MYOM1: variants seen among roughly 807,000 people sequenced by gnomAD.
MYOM1 encodes the protein myomesin-1.
Under a neutral mutation model 205.3 loss-of-function variants are expected in MYOM1, and 164 were observed. The observed-to-expected ratio is 0.80, with a 90% CI of 0.70 to 0.91. The LOEUF (loss-of-function observed/expected upper bound fraction) is 0.91. MYOM1 is among the 40% of genes least tolerant of loss of function. The pLI, the probability that MYOM1 is intolerant of heterozygous loss-of-function variation, is 0.00. For synonymous variants in MYOM1, 772 were observed against 789.4 expected (o/e 0.98, Z 0.37); for missense variants, 2,011 against 2,127.3 (o/e 0.95, Z 1.08).
intron 8 of MYOM1, 98 bp downstream of exon 8, chr18:3,173,840 G>A: frequency 9.4e-7 from 1 of 1,065,932 alleles, no homozygotes; most frequent in Non-Finnish European, 1.4e-6. Context: ...CATATACTAT[G>A]TTATATATAG....
In MYOM1 at chr18:3,209,542, T is replaced by C. The variant is rs1411087348; in HGVS notation, c.290+5392A>G. On this transcript the variant is annotated intron_variant, in intron 2 of 37. Coordinates refer to ENST00000356443, the MANE Select transcript of MYOM1 (RefSeq NM_003803.4). This position sits in a 1 kb window ranked among gnomAD's most constrained non-coding sequence, Gnocchi z 4.0. ...CCTTCAATGGCCCACAGGCCCTCCA[T>C]GATCAGTCCTGCCCAACCCATCACC... 6.6e-6 allele frequency among the ~76,000 whole-genome samples: 1 copy of C among 152,206 alleles called. No individual in the cohort carries two copies. Among genetic ancestry groups the C allele is most frequent in the African/African-American group, 2.4e-5 (1 of 41,458 alleles).
At chr18:3,178,133 C>G (rs1361276248) in intron 5 of MYOM1, among the ~76,000 whole-genome samples, 1 of 152,162 alleles carries the variant, frequency 6.6e-6, no homozygotes, top group African/African-American at 2.4e-5. Context: ...TCACTTGTTT[C>G]CCTTTCAGAC....
Position 3,205,442 on chromosome 18 carries a change from A to C in MYOM1, c.290+9492T>G, listed in dbSNP as rs150174429. On this transcript the variant is annotated intron_variant, in intron 2 of 37. Transcript: ENST00000356443. ...GGCATTTCACTAAAGAAGATACAGA[A>C]ATGGCTACTAAATGCAAAAAAGATG... Among the ~76,000 whole-genome samples, 629 of 152,334 alleles carry C rather than the reference A, an allele frequency of 4.1e-3. 5 individuals carry two copies. Among genetic ancestry groups the C allele is most frequent in the African/African-American group, 0.014 (594 of 41,580 alleles).
At chr18:3,223,889 C>T (rs144960388), upstream of MYOM1, among the ~76,000 whole-genome samples, 69 of 152,058 alleles carry the variant, frequency 4.5e-4, no homozygotes, top group African/African-American at 1.6e-3. Flanking sequence ...TAATGAGTAG[C>T]GGAGAGGGAG....
intron 11 of MYOM1, 25 bp downstream of exon 11, chr18:3,154,922 A>C (rs886546635): frequency 6.2e-7 from 1 of 1,602,540 alleles, no homozygotes; most frequent in Non-Finnish European, 8.5e-7. Context: ...AAATAACTGT[A>C]ATTGATGTTA....
intron 5 of MYOM1, among the ~76,000 whole-genome samples, chr18:3,185,519 A>G (rs1403820988): frequency 6.6e-6 from 1 of 152,130 alleles, no homozygotes; most frequent in Non-Finnish European, 1.5e-5. Flanking sequence ...GTGCATTTCT[A>G]TAGGAAAGTT....
chr18:3,201,251 T>C (rs992604360), intron 2 of MYOM1, among the ~76,000 whole-genome samples: 4 of 151,802 alleles, frequency 2.6e-5, no homozygotes, highest in Admixed American at 1.3e-4. Context: ...ATACAAAAAT[T>C]AGCCGGGCAT....
chr18:3,199,837 C>T (rs1598765284), intron 2 of MYOM1, among the ~76,000 whole-genome samples: 2 of 150,984 alleles, frequency 1.3e-5, no homozygotes, highest in South Asian at 2.1e-4. Flanking sequence ...GAGACTCCGT[C>T]TCAAAAAAAA....
chr18:3,194,020 C>A, intron 2 of MYOM1, 62 bp from the exon 3 acceptor site: 1 of 1,540,746 alleles, frequency 6.5e-7, no homozygotes, highest in Non-Finnish European at 8.8e-7. Context: ...ATTCAAAATA[C>A]GATAGAGGAA....
chr18:3,142,119 C>CA, intron 13 of MYOM1, 56 bp from the exon 14 acceptor site: 1 of 1,587,430 alleles, frequency 6.3e-7, no homozygotes, highest in Admixed American at 1.7e-5. Context: ...CCAGGATACT[C>CA]AGAGAGCCAA....
At position 3,080,001 on chromosome 18, in the gene MYOM1, T is replaced by C. The variant is rs137863879; in HGVS notation, c.4485-659A>G. Among the ~76,000 whole-genome samples the C allele has an allele frequency of 1.9e-3, 286 of 152,262 alleles. 3 individuals are homozygous for C. The highest frequency in any genetic ancestry group is 6.4e-3 in the African/African-American group (268 of 41,564). On this transcript the variant is annotated intron_variant, in intron 33 of 37. Transcript: ENST00000356443. ...TTCTCTGCAAGAGAATATTAGGAAA[T>C]ACAACCCTTTTTTGTGTGATCTTGG...
chr18:3,081,483 A>C (rs2079086069), intron 33 of MYOM1, among the ~76,000 whole-genome samples: 1 of 152,236 alleles, frequency 6.6e-6, no homozygotes. Context: ...GATTGACTAG[A>C]CCAAATAATT....
At position 3,209,129 on chromosome 18, in the gene MYOM1, G is replaced by T. The variant is rs4296341; in HGVS notation, c.290+5805C>A. On this transcript the variant is annotated intron_variant, in intron 2 of 37. Coordinates refer to ENST00000356443, the MANE Select transcript of MYOM1 (RefSeq NM_003803.4). The surrounding 1 kb of genome is among the most constrained non-coding windows in gnomAD (Gnocchi z 4.0). The stretch of plus-strand genomic sequence containing the variant: ...AGGCATTTCTTTGACACGATGTAGA[G>T]GGAATCTGGGAAAATGGGGAACAAG... Among the ~76,000 whole-genome samples, 24,093 of 152,176 alleles carry T rather than the reference G, an allele frequency of 0.16. 1,956 individuals are homozygous for T. The highest frequency in any genetic ancestry group is 0.22 in the East Asian group (1,152 of 5,176).
intron 2 of MYOM1, among the ~76,000 whole-genome samples, chr18:3,198,600 A>AT (rs1361716920): frequency 6.6e-6 from 1 of 152,130 alleles, no homozygotes. Flanking sequence ...CCTGGCCAAG[A>AT]TGGTGAAACC....
rs876657916 is a variant in MYOM1, at chr18:3,151,868, AC to A, written c.1668del (p.Trp556CysfsTer9). On this transcript the variant is annotated frameshift_variant, in exon 12 of 38. Transcript: ENST00000356443. LOFTEE classifies it high-confidence loss of function. Reference sequence around the variant, plus strand: ...TTCACAGGTGTGTCATTGCACTGCGACCAGCTATCTGTGCCCACCTCACACC... The same window carrying A: ...TTCACAGGTGTGTCATTGCACTGCGACAGCTATCTGTGCCCACCTCACACC... ...IDKCEVGTDS[W>X]SQCNDTPVKF... 6.2e-7 allele frequency: 1 copy of A among 1,613,032 alleles called. No individual in the cohort carries two copies. Among genetic ancestry groups the A allele is most frequent in the Admixed American group, 1.7e-5 (1 of 59,950 alleles).
intron 12 of MYOM1, 131 bp downstream of exon 12, chr18:3,151,563 T>C (rs1344098326): frequency 1.5e-6 from 1 of 683,366 alleles, no homozygotes; most frequent in African/African-American, 1.8e-5. Flanking sequence ...TCGGATTTTC[T>C]GATGAAAAAA....
intron 36 of MYOM1, among the ~76,000 whole-genome samples, chr18:3,073,056 T>C (rs921785662): frequency 2.8e-5 from 4 of 142,682 alleles, no homozygotes; most frequent in Non-Finnish European, 6.1e-5. Flanking sequence ...CCAGCCATCA[T>C]CCTGCCTTGG....
intron 23 of MYOM1, among the ~76,000 whole-genome samples, chr18:3,101,793 G>GA (rs1460149890): frequency 6.6e-6 from 1 of 151,966 alleles, no homozygotes; most frequent in Non-Finnish European, 1.5e-5. Context: ...GCATAAATGA[G>GA]ATAATAAATA....
chr18:3,208,057 T>C (rs2081147049), intron 2 of MYOM1, among the ~76,000 whole-genome samples: 1 of 152,242 alleles, frequency 6.6e-6, no homozygotes, highest in Non-Finnish European at 1.5e-5. Context: ...CACAGTTCTA[T>C]GGATCTATAA....
Sources: allele counts gnomAD v4.1 joint callset (sites outside exome capture counted in the v4.1 genomes callset), GRCh38; gene constraint gnomAD v4.1.1; non-coding constraint Gnocchi (gnomAD v3.1); transcripts MANE v1.5; gene names NCBI Gene and HGNC (gene_info 2026-07-23, HGNC 2026-07-21).